Variants in MICAL1 observed in about 807,000 individuals in gnomAD.
MICAL1 encodes [F-actin]-monooxygenase MICAL1.
MICAL1 carries 95 observed loss-of-function variants against 131.8 expected under a neutral mutation model. The ratio of observed to expected loss-of-function variants is 0.72; its 90% CI spans 0.61 to 0.86. The LOEUF (loss-of-function observed/expected upper bound fraction) is 0.86. Ranked by LOEUF, MICAL1 falls within the 40% of genes least tolerant of loss-of-function variation. The pLI, the probability that MICAL1 is intolerant of heterozygous loss-of-function variation, is 0.00. For missense variants in MICAL1, 1,292 were observed against 1,380.6 expected, an observed-to-expected ratio of 0.94 and a Z score of 1.02; for synonymous variants, 546 against 554.2, an observed-to-expected ratio of 0.99 and a Z score of 0.21.
At chr6:109,465,346 A>T (rs977851750) in intron 1 of MICAL1, 3 of 362,468 alleles carry the variant, frequency 8.3e-6, no homozygotes, top group Non-Finnish European at 1.5e-5. Flanking sequence ...TTAAAAGGGC[A>T]AATTCCCCAT....
intron 19 of MICAL1, 137 bp from the exon 20 acceptor site, chr6:109,445,999 A>G (rs1431642606): frequency 1.4e-6 from 2 of 1,480,870 alleles, no homozygotes. Context: ...GGAACTGAGA[A>G]GAATGGAGCA....
In MICAL1 at chr6:109,449,751, G is replaced by C; in HGVS notation, c.1340C>G (p.Ser447Cys). ...ESLYQLLSQTSPENMHRNVAQ... is the reference protein window; with the variant it reads ...ESLYQLLSQTCPENMHRNVAQ... Reference sequence around the variant, plus strand: ...CACATTGCGATGCATGTTTTCTGGGGATGTCTGTGACAGAAGCTGGTACAG... The same window carrying C: ...CACATTGCGATGCATGTTTTCTGGGCATGTCTGTGACAGAAGCTGGTACAG... The change falls in exon 10 of 25, where the codon TCC (serine) becomes TGC (cysteine). Residue 447 changes from serine (S) to cysteine (C), a missense_variant. Transcript: ENST00000358807. 6.2e-7 allele frequency: 1 copy of C among 1,608,720 alleles called. No individual in the cohort carries two copies. The highest frequency in any genetic ancestry group is 8.5e-7 in the Non-Finnish European group (1 of 1,177,306).
rs1562288798 is a variant in MICAL1, at chr6:109,447,958, CAG to C, written c.1859_1860del (p.Pro620ArgfsTer16). On this transcript the variant is annotated frameshift_variant, in exon 14 of 25. Transcript: ENST00000358807. LOFTEE classifies it high-confidence loss of function. ...AFKSMAHSPG[P>X]VSQASPGTSS... Reference sequence around the variant, plus strand: ...GAGGTCCCTGGGGAGGCCTGGCTGACAGGGCCTGCGGGGAGAGCCAGGGCATC... The same window carrying C: ...GAGGTCCCTGGGGAGGCCTGGCTGACGGCCTGCGGGGAGAGCCAGGGCATC... 1 of 1,607,914 alleles carries C rather than the reference CAG, an allele frequency of 6.2e-7. No homozygotes were observed. The highest frequency in any genetic ancestry group is 1.7e-5 in the Admixed American group (1 of 59,376).
Position 109,445,795 on chromosome 6 carries a change from C to T in MICAL1, c.2649G>A (p.Val883=). 1 of 1,611,778 alleles carries T rather than the reference C, an allele frequency of 6.2e-7. No individual in the cohort carries two copies. The highest frequency in any genetic ancestry group is 8.5e-7 in the Non-Finnish European group (1 of 1,179,122). ...PFSSEEEEED[V]PLDSDVEQAL... ...CCTGTTCCACATCTGAGTCCAAAGG[C>T]ACATCTTCTTCTTCCTCTTCACTGG... The change falls in exon 20 of 25, where the codon GTG becomes GTA. Residue 883 remains valine (V), a synonymous_variant. Coordinates refer to ENST00000358807, the MANE Select transcript of MICAL1 (RefSeq NM_022765.4).
At position 109,447,172 on chromosome 6, in the gene MICAL1, G is replaced by A. The variant is rs777936022; in HGVS notation, c.2128C>T (p.Leu710Phe). ...CGEHLYVLER[L>F]CVNGHFFHRS... Reference sequence around the variant, plus strand: ...TGGAAGAAATGGCCGTTGACACAGAGGCGTTCCAGGACATAGAGGTGTTCC... The same window carrying A: ...TGGAAGAAATGGCCGTTGACACAGAAGCGTTCCAGGACATAGAGGTGTTCC... Residue 710 changes from leucine (L) to phenylalanine (F), a missense_variant, in exon 17 of 25, where the codon CTC becomes TTC. By Grantham distance (22) the Leu-to-Phe change is conservative. Coordinates refer to ENST00000358807, the MANE Select transcript of MICAL1 (RefSeq NM_022765.4). 2 of 1,614,200 alleles carry A rather than the reference G, an allele frequency of 1.2e-6. No homozygotes were observed. The highest frequency in any genetic ancestry group is 1.1e-5 in the South Asian group (1 of 91,084).
intron 6 of MICAL1, 180 bp downstream of exon 6, chr6:109,452,066 T>A: frequency 7.1e-7 from 1 of 1,414,022 alleles, no homozygotes; most frequent in Non-Finnish European, 9.2e-7. Context: ...TGCTGGGTGA[T>A]CAACTAGGGC....
chr6:109,456,520 G>A (rs969839877), upstream of MICAL1, among the ~76,000 whole-genome samples: 1 of 152,160 alleles, frequency 6.6e-6, no homozygotes, highest in African/African-American at 2.4e-5. Context: ...ATGGCGGGGC[G>A]GGTTAGACCA....
chr6:109,447,435 C>T lies in MICAL1; in HGVS notation c.1992G>A (p.Glu664=), dbSNP rs766475346. ...GCACCTCAGTACTTGGGGTCTCGGC[C>T]TCCATCTAAGGAGGTAAGTGCTCAG... ...AGGKKLRLEM[E]AETPSTEVPP... Residue 664 remains glutamate, a synonymous_variant, in exon 16 of 25, where the codon GAG becomes GAA. Transcript: ENST00000358807. 26 of 1,612,322 alleles carry T rather than the reference C, an allele frequency of 1.6e-5. 1 individual carries two copies. In the South Asian group the frequency reaches 2.6e-4, roughly 16 times the overall value.
At chr6:109,446,877 G>T in intron 17 of MICAL1, 105 bp from the exon 18 acceptor site, 1 of 1,295,618 alleles carries the variant, frequency 7.7e-7, no homozygotes, top group Non-Finnish European at 1.1e-6. Flanking sequence ...AGATTTGCAG[G>T]TGAATTTCTG....
At chr6:109,448,150 C>T in intron 13 of MICAL1, 53 bp downstream of exon 13, 5 of 1,583,260 alleles carry the variant, frequency 3.2e-6, no homozygotes, top group Non-Finnish European at 4.3e-6. Context: ...CACACACACA[C>T]ACACACACAC....
At chr6:109,465,839 C>T (rs1299922393) in exon 1 of MICAL1, 10 of 1,614,046 alleles carry the variant, frequency 6.2e-6, no homozygotes, top group African/African-American at 1.3e-5. Context: ...AGCAGTCAAA[C>T]GTGTTTACAG....
exon 1 of MICAL1, chr6:109,465,763 T>G (rs894114608): frequency 6.2e-7 from 1 of 1,613,170 alleles, no homozygotes; most frequent in East Asian, 2.2e-5. Flanking sequence ...AAGTCAATGG[T>G]GTGGAGAGCC....
chr6:109,444,203 C>T lies in MICAL1; in HGVS notation c.3192G>A (p.Gly1064=). The T allele has an allele frequency of 1.2e-6, 2 of 1,613,034 alleles. No homozygotes were observed. Among genetic ancestry groups the T allele is most frequent in the Non-Finnish European group, 1.7e-6 (2 of 1,179,944 alleles). ...RRLSELALGT[G]AQG Reference sequence around the variant, plus strand: ...GGCCCACCCTCGTCTAGCCCTGGGCCCCTGTCCCCAAGGCCAGCTCGCTGA... The same window carrying T: ...GGCCCACCCTCGTCTAGCCCTGGGCTCCTGTCCCCAAGGCCAGCTCGCTGA... Residue 1064 remains glycine, a synonymous_variant, in exon 25 of 25, where the codon GGG becomes GGA. Transcript: ENST00000358807.
chr6:109,450,646 T>G, intron 7 of MICAL1, 89 bp from the exon 8 acceptor site: 1 of 1,430,098 alleles, frequency 7.0e-7, no homozygotes, highest in Non-Finnish European at 9.3e-7. Flanking sequence ...AAGGTGCACA[T>G]CCTGGGGCCC....
At position 109,445,481 on chromosome 6, in the gene MICAL1, T is replaced by C; in HGVS notation, c.2722A>G (p.Thr908Ala). Residue 908 changes from threonine (T) to alanine (A), a missense_variant, in exon 21 of 25, where the codon ACA becomes GCA. Thr to Ala is a moderately conservative substitution (Grantham distance 58). Coordinates refer to ENST00000358807, the MANE Select transcript of MICAL1 (RefSeq NM_022765.4). Reference protein sequence around the residue: ...KTSGTMNNYPTWRRTLLRRAK... With the variant: ...KTSGTMNNYPAWRRTLLRRAK... Reference sequence around the variant, plus strand: ...CGGCGCAGCAGAGTCCGACGCCATGTTGGGTAGTTATTCATGGTGCCTGAG... The same window carrying C: ...CGGCGCAGCAGAGTCCGACGCCATGCTGGGTAGTTATTCATGGTGCCTGAG... 1 of 1,614,082 alleles carries C rather than the reference T, an allele frequency of 6.2e-7. No homozygotes were observed. The highest frequency in any genetic ancestry group is 2.2e-5 in the East Asian group (1 of 44,882).
In MICAL1 at chr6:109,446,292, A is replaced by T. The variant is rs905921993; in HGVS notation, c.2425T>A (p.Ser809Thr). ...GACAACCGCTGGCGCTCCGGGCTGG[A>T]GAGGCGGATCTGCCGACGGGTGGGC... Reference protein sequence around the residue: ...SQPTRRQIRLSSPERQRLSSL... With the variant: ...SQPTRRQIRLTSPERQRLSSL... The change falls in exon 19 of 25, where the codon TCC (serine) becomes ACC (threonine). Residue 809 changes from serine (S) to threonine (T), a missense_variant. Ser to Thr is a moderately conservative substitution (Grantham distance 58, BLOSUM62 1). Transcript: ENST00000358807. 6.2e-7 allele frequency: 1 copy of T among 1,613,960 alleles called. No individual in the cohort carries two copies. Among genetic ancestry groups the T allele is most frequent in the East Asian group, 2.2e-5 (1 of 44,872 alleles).
At chr6:109,450,861 A>G (rs1296239186) in intron 7 of MICAL1, among the ~76,000 whole-genome samples, 2 of 152,210 alleles carry the variant, frequency 1.3e-5, no homozygotes, top group Non-Finnish European at 2.9e-5. Flanking sequence ...TAGAGACAAC[A>G]TGCCTAATTT....
chr6:109,446,585 C>T (rs1227312784), intron 18 of MICAL1, 111 bp downstream of exon 18: 8 of 1,378,474 alleles, frequency 5.8e-6, no homozygotes, highest in Non-Finnish European at 8.1e-6. Context: ...CTTCACAGAG[C>T]TTACATGCTA....
Position 109,445,668 on chromosome 6 carries a change from G to A in MICAL1, c.2673+103C>T, listed in dbSNP as rs921752436. 8 of 1,507,112 alleles carry A rather than the reference G, an allele frequency of 5.3e-6. No homozygotes were observed. In the African/African-American group the frequency reaches 6.9e-5, roughly 13 times the overall value. The allele number at this position is 1,507,112 out of a possible 1,614,324, so 93.4% of individuals were successfully genotyped here. ...AAGGTAGAGGCCAGAGATATGACAG[G>A]CCAAGTGAGAAGACATTCCAAGAGA... On this transcript the variant is annotated intron_variant, in intron 20 of 24. Coordinates refer to ENST00000358807, the MANE Select transcript of MICAL1 (RefSeq NM_022765.4).
Sources: gnomAD v4.1 joint callset for allele counts (sites outside exome capture counted in the v4.1 genomes callset) on GRCh38, gnomAD v4.1.1 for gene constraint, MANE v1.5 for transcripts, NCBI Gene and HGNC (gene_info 2026-07-23, HGNC 2026-07-21) for gene names.